The following CCL26 variants were observed in gnomAD, a reference collection of about 807,000 sequenced individuals.
The protein encoded by CCL26 is C-C motif chemokine ligand 26, also known as C-C motif chemokine 26.
CCL26 carries 10 observed loss-of-function variants against 10.7 expected under a neutral mutation model. The observed-to-expected ratio is 0.93, with a 90% CI of 0.57 to 1.58. The LOEUF is 1.58. Among genes scored for constraint, CCL26 ranks in the 40% most tolerant of loss-of-function variants. The probability of loss-of-function intolerance (pLI) is 0.00; values close to 1 mark genes in which losing one functional copy is unlikely to be tolerated. For missense variants in CCL26, 116 were observed against 111.0 expected, an observed-to-expected ratio of 1.05 and a Z score of -0.20; for synonymous variants, 43 against 41.4, an observed-to-expected ratio of 1.04 and a Z score of -0.15.
At chr7:75,773,338 C>A (rs181229131), upstream of CCL26, among the ~76,000 whole-genome samples, 41 of 151,860 alleles carry the variant, frequency 2.7e-4, no homozygotes, top group African/African-American at 9.7e-4. Flanking sequence ...GCAGGAGAAT[C>A]GCTTGAATGC....
chr7:75,769,657 G>A lies in CCL26; in HGVS notation c.*36C>T, dbSNP rs117832963. ...CCCAGAGGGCTGCAGAGCCAAGAGC[G>A]GGGTCCAAGCGTCCTCGGATGAAAA... is the stretch of plus-strand genomic sequence containing the variant. On this transcript the variant is annotated 3_prime_UTR_variant, in exon 3 of 3. Coordinates refer to ENST00000005180, the MANE Select transcript of CCL26 (RefSeq NM_001371938.1). The A allele has an allele frequency of 2.8e-3, 3,884 of 1,373,796 alleles. 6 individuals carry two copies. The highest frequency in any genetic ancestry group is 3.8e-3 in the Non-Finnish European group (3,614 of 961,078). The allele number at this position is 1,373,796 out of a possible 1,614,324, so 85.1% of individuals were successfully genotyped here.
chr7:75,776,500 C>T (rs1283242364), upstream of CCL26, among the ~76,000 whole-genome samples: 1 of 141,954 alleles, frequency 7.0e-6, no homozygotes, highest in Non-Finnish European at 1.5e-5. Context: ...ACGATTGCAT[C>T]ACTGCACTCC....
upstream of CCL26, among the ~76,000 whole-genome samples, chr7:75,777,180 C>T (rs942514648): frequency 6.6e-6 from 1 of 151,940 alleles, no homozygotes; most frequent in Non-Finnish European, 1.5e-5. Context: ...TGCAGTGAGC[C>T]GAGATTGCAC....
At chr7:75,790,362 A>G (rs1803307707), upstream of CCL26, among the ~76,000 whole-genome samples, 1 of 148,930 alleles carries the variant, frequency 6.7e-6, no homozygotes, top group South Asian at 2.1e-4. Flanking sequence ...CAGTCCTCCC[A>G]CCTCAGCCTT....
chr7:75,779,631 C>T (rs1271359620), intron 1 of CCL26, among the ~76,000 whole-genome samples: 2 of 152,226 alleles, frequency 1.3e-5, no homozygotes, highest in Non-Finnish European at 2.9e-5. Flanking sequence ...ACTCCGGCTC[C>T]AGTCATGGAC....
upstream of CCL26, among the ~76,000 whole-genome samples, chr7:75,790,607 A>AT: frequency 6.6e-6 from 1 of 152,162 alleles, no homozygotes; most frequent in South Asian, 2.1e-4. Flanking sequence ...AGTTTTATTT[A>AT]TCAGCTTTCC....
upstream of CCL26, among the ~76,000 whole-genome samples, chr7:75,773,538 C>T (rs1325332115): frequency 2.0e-5 from 3 of 152,008 alleles, no homozygotes; most frequent in African/African-American, 7.2e-5. Context: ...TACAGTGAGC[C>T]ACCACGTCTG....
At chr7:75,782,792 C>T (rs905352570) in intron 1 of CCL26, among the ~76,000 whole-genome samples, 15 of 152,166 alleles carry the variant, frequency 9.9e-5, no homozygotes, top group African/African-American at 3.4e-4. Flanking sequence ...TAGTCCCTCC[C>T]TAGTCTCTGC....
chr7:75,772,209 C>T lies in CCL26; in HGVS notation c.-33G>A. ...CAAATCAGGCCCTTCTCAGGTTTCT[C>T]CCAAACTCCTCCTGCCTGATCCCCT... is the stretch of plus-strand genomic sequence containing the variant. On this transcript the variant is annotated 5_prime_UTR_variant, in exon 1 of 3. Coordinates refer to ENST00000005180, the MANE Select transcript of CCL26 (RefSeq NM_001371938.1). 1 of 1,490,392 alleles carries T rather than the reference C, an allele frequency of 6.7e-7. No individual in the cohort carries two copies. Among genetic ancestry groups the T allele is most frequent in the African/African-American group, 1.4e-5 (1 of 71,980 alleles). 92.3% of individuals were successfully genotyped at this position (1,490,392 alleles called of 1,614,324 possible).
intron 1 of CCL26, among the ~76,000 whole-genome samples, chr7:75,785,540 C>T (rs997266442): frequency 6.6e-6 from 1 of 152,204 alleles, no homozygotes; most frequent in African/African-American, 2.4e-5. Context: ...TTCATAAAAA[C>T]ACACGTGCTC....
intron 1 of CCL26, among the ~76,000 whole-genome samples, chr7:75,782,364 T>G (rs1554529548): frequency 6.6e-6 from 1 of 152,152 alleles, no homozygotes; most frequent in African/African-American, 2.4e-5. Flanking sequence ...CGTGGACGCC[T>G]GCCTTGGTCA....
At chr7:75,790,225 T>TTCTTTCTTTCTC (rs1803303040), upstream of CCL26, among the ~76,000 whole-genome samples, 1 of 137,050 alleles carries the variant, frequency 7.3e-6, no homozygotes, top group African/African-American at 2.7e-5. Context: ...CTTTCTTCCT[T>TTCTTTCTTTCTC]CCTTCCTTCC....
At chr7:75,784,852 G>A (rs1803148833) in intron 1 of CCL26, among the ~76,000 whole-genome samples, 1 of 151,746 alleles carries the variant, frequency 6.6e-6, no homozygotes. Flanking sequence ...CTTGGTGACC[G>A]ATCATGCACC....
intron 1 of CCL26, among the ~76,000 whole-genome samples, chr7:75,789,064 G>A (rs1803265055): frequency 6.6e-6 from 1 of 151,088 alleles, no homozygotes; most frequent in South Asian, 2.1e-4. Flanking sequence ...CAGGACTACA[G>A]GTGCGCACCA....
upstream of CCL26, chr7:75,772,217 C>T (rs1554528241): frequency 7.0e-7 from 1 of 1,436,260 alleles, no homozygotes; most frequent in Non-Finnish European, 9.6e-7. Context: ...CTCCCAAACT[C>T]CTCCTGCCTG....
upstream of CCL26, among the ~76,000 whole-genome samples, chr7:75,773,082 C>T (rs1311518249): frequency 2.0e-5 from 3 of 152,114 alleles, no homozygotes; most frequent in East Asian, 5.8e-4. Context: ...TTCTTGGGGC[C>T]ACACCTGTAG....
At chr7:75,774,741 C>A (rs1413041828), upstream of CCL26, among the ~76,000 whole-genome samples, 3 of 139,694 alleles carry the variant, frequency 2.1e-5, no homozygotes, top group African/African-American at 5.7e-5. Flanking sequence ...CCACCCCACC[C>A]GGCCTATTTT....
intron 1 of CCL26, among the ~76,000 whole-genome samples, chr7:75,780,098 C>A (rs1399636260): frequency 2.0e-5 from 3 of 150,510 alleles, no homozygotes; most frequent in African/African-American, 7.3e-5. Context: ...CACCTCCCAT[C>A]CCTTTTCCAC....
chr7:75,777,638 G>C (rs1021199980), intron 1 of CCL26, among the ~76,000 whole-genome samples: 1 of 149,878 alleles, frequency 6.7e-6, no homozygotes, highest in African/African-American at 2.5e-5. Context: ...GGTCCCAGCT[G>C]CTTGGGAGGC....
Sources: gnomAD v4.1 joint callset for allele counts (sites outside exome capture counted in the v4.1 genomes callset) on GRCh38, gnomAD v4.1.1 for gene constraint, MANE v1.5 for transcripts, NCBI Gene and HGNC (gene_info 2026-07-23, HGNC 2026-07-21) for gene names.